PCDHA7: variants seen among roughly 807,000 people sequenced by gnomAD.
PCDHA7 encodes the protein protocadherin alpha-7.
PCDHA7 carries 37 observed loss-of-function variants against 57.2 expected under a neutral mutation model. The ratio of observed to expected loss-of-function variants is 0.65; its 90% confidence interval spans 0.50 to 0.85. PCDHA7 has a LOEUF of 0.85. Ranked by LOEUF, PCDHA7 falls within the 40% of genes least tolerant of loss-of-function variation. PCDHA7 has a pLI of 0.00. For missense variants in PCDHA7, 1,188 were observed against 1,241.8 expected (o/e 0.96, Z 0.65); for synonymous variants, 553 against 558.8 (o/e 0.99, Z 0.15).
At chr5:140,858,708 T>C in intron 1 of PCDHA7, 1 of 547,182 alleles carries the variant, frequency 1.8e-6, no homozygotes, top group African/African-American at 1.9e-5. Context: ...AAATATGTGA[T>C]ATAGGTTGCA....
chr5:140,987,277 A>C (rs1326809190), intron 3 of PCDHA7, among the ~76,000 whole-genome samples: 2 of 152,122 alleles, frequency 1.3e-5, no homozygotes, highest in African/African-American at 4.8e-5. Flanking sequence ...CCGGCAGTCT[A>C]TGTTTTAACA....
chr5:140,864,489 A>C (rs1194272327), intron 1 of PCDHA7: 1 of 152,184 alleles, frequency 6.6e-6, no homozygotes, highest in Admixed American at 6.5e-5. Flanking sequence ...CAGTGGGTGG[A>C]ATTTTAGCCT....
chr5:140,880,416 C>T lies in PCDHA7; in HGVS notation c.2355+43678C>T, dbSNP rs188503917. ...AAGAGCATATGGTTGACCTTAAAAG[C>T]GGGAACAGTTTTTCCTTACAACTAG... On this transcript the variant is annotated intron_variant, in intron 1 of 3. Coordinates refer to ENST00000525929, the MANE Select transcript of PCDHA7 (RefSeq NM_018910.3). Among the ~76,000 whole-genome samples, 429 of 152,140 alleles carry T rather than the reference C, an allele frequency of 2.8e-3. 2 individuals carry two copies. Among genetic ancestry groups the T allele is most frequent in the Middle Eastern group, 0.014 (4 of 294 alleles).
At chr5:140,941,505 C>T (rs536733497) in intron 1 of PCDHA7, among the ~76,000 whole-genome samples, 11 of 151,390 alleles carry the variant, frequency 7.3e-5, no homozygotes, top group East Asian at 1.9e-4. Flanking sequence ...TTAGTAGAGA[C>T]GAGGTTTCAC....
chr5:140,967,928 A>G, intron 1 of PCDHA7: 1 of 1,614,200 alleles, frequency 6.2e-7, no homozygotes, highest in South Asian at 1.1e-5. Context: ...GGCCGTTCTC[A>G]GTGTCAATGA....
chr5:140,926,303 C>G (rs1248613470), intron 1 of PCDHA7: 1 of 152,328 alleles, frequency 6.6e-6, no homozygotes, highest in African/African-American at 2.4e-5. Flanking sequence ...CCCGCCCTCT[C>G]CGCCGGAGAG....
intron 1 of PCDHA7, among the ~76,000 whole-genome samples, chr5:140,943,311 T>C (rs1281237979): frequency 1.3e-5 from 2 of 150,340 alleles, no homozygotes. Flanking sequence ...AAGTCATTAT[T>C]AGCAATATTG....
At chr5:140,905,635 A>ACTGTTGCCTCAGGCAGTGCAGG (rs2071993181) in intron 1 of PCDHA7, among the ~76,000 whole-genome samples, 1 of 152,206 alleles carries the variant, frequency 6.6e-6, no homozygotes, top group South Asian at 2.1e-4. Flanking sequence ...CAGTATGGTC[A>ACTGTTGCCTCAGGCAGTGCAGG]GTTTCACAGT....
At chr5:140,982,275 A>G (rs1315034472) in intron 2 of PCDHA7, 200 bp from the exon 3 acceptor site, 3 of 951,630 alleles carry the variant, frequency 3.2e-6, no homozygotes, top group Non-Finnish European at 4.5e-6. Context: ...GGAATAGTAT[A>G]GCAGGCAATA....
chr5:141,003,258 G>T (rs1029666608), intron 3 of PCDHA7, among the ~76,000 whole-genome samples: 1 of 152,240 alleles, frequency 6.6e-6, no homozygotes, highest in Admixed American at 6.5e-5. Flanking sequence ...TTCCTGGGCA[G>T]TGCCTAAGGG....
At chr5:140,889,332 G>T (rs1387530088) in intron 1 of PCDHA7, among the ~76,000 whole-genome samples, 1 of 151,982 alleles carries the variant, frequency 6.6e-6, no homozygotes, top group African/African-American at 2.4e-5. Flanking sequence ...TCAGGATTTT[G>T]ATTGGTGGGA....
chr5:140,834,321 A>G lies in PCDHA7; in HGVS notation c.-63A>G. The G allele has an allele frequency of 6.9e-7, 1 of 1,440,210 alleles. No homozygotes were observed. The highest frequency in any genetic ancestry group is 1.4e-5 in the African/African-American group (1 of 70,470). 89.2% of individuals were successfully genotyped at this position (1,440,210 alleles called of 1,614,324 possible). A position where few individuals can be genotyped will look rare whatever the true frequency, so the allele number is the denominator to read the frequency against. On this transcript the variant is annotated 5_prime_UTR_variant, in exon 1 of 4. It removes the in-frame stop codon of an upstream open reading frame in the 5' UTR. Transcript: ENST00000525929. ...ACATCGAGATTGAAATGAAGGGATA[A>G]AAACATTCCTATAAATTCGAAGGCA... is the stretch of plus-strand genomic sequence containing the variant.
chr5:140,889,720 T>C (rs1259294888), intron 1 of PCDHA7, among the ~76,000 whole-genome samples: 1 of 152,240 alleles, frequency 6.6e-6, no homozygotes, highest in African/African-American at 2.4e-5. Context: ...TCTTTGCTAC[T>C]GTCTCACTGA....
chr5:140,843,840 A>G, intron 1 of PCDHA7: 2 of 1,049,820 alleles, frequency 1.9e-6, no homozygotes, highest in South Asian at 1.6e-5. Flanking sequence ...TTTAGTTTTT[A>G]GAAACCTTTT....
At chr5:140,923,287 A>G (rs1554201330) in intron 1 of PCDHA7, among the ~76,000 whole-genome samples, 1 of 152,224 alleles carries the variant, frequency 6.6e-6, no homozygotes, top group Non-Finnish European at 1.5e-5. Context: ...AAAAATTAAA[A>G]ATTAGCTGGG....
intron 1 of PCDHA7, among the ~76,000 whole-genome samples, chr5:140,891,866 T>C (rs2063289213): frequency 6.6e-6 from 1 of 152,184 alleles, no homozygotes; most frequent in Non-Finnish European, 1.5e-5. Flanking sequence ...TCTCTTATGC[T>C]TTTGGCTCTG....
At chr5:140,882,482 G>C (rs200256955) in intron 1 of PCDHA7, 38 of 1,613,930 alleles carry the variant, frequency 2.4e-5, no homozygotes, top group Admixed American at 8.3e-5. Flanking sequence ...CAAAAGACAC[G>C]GGGACCTTCT....
intron 1 of PCDHA7, chr5:140,877,954 T>C: frequency 7.5e-7 from 1 of 1,334,236 alleles, no homozygotes; most frequent in Non-Finnish European, 9.8e-7. Context: ...ATCGAATGTC[T>C]CATCTTTCTT....
At chr5:140,999,319 T>G (rs2097853876) in intron 3 of PCDHA7, among the ~76,000 whole-genome samples, 1 of 152,236 alleles carries the variant, frequency 6.6e-6, no homozygotes, top group African/African-American at 2.4e-5. Flanking sequence ...TGACAGACAT[T>G]GATCTGTGTG....
Sources: gnomAD v4.1 joint callset for allele counts (sites outside exome capture counted in the v4.1 genomes callset) on GRCh38, gnomAD v4.1.1 for gene constraint, MANE v1.5 for transcripts, NCBI Gene and HGNC (gene_info 2026-07-23, HGNC 2026-07-21) for gene names.